IQANK1: variants seen among roughly 807,000 people sequenced by gnomAD.
IQANK1 encodes the protein IQ motif and ankyrin repeat containing 1.
In IQANK1, 30 loss-of-function variants were observed where a neutral mutation model predicts 22.6. The observed-to-expected ratio is 1.33, with a 90% confidence interval of 0.99 to 1.80. IQANK1 has a LOEUF of 1.80. Among genes scored for constraint, IQANK1 ranks in the 40% most tolerant of loss-of-function variants. The pLI is 0.00. For synonymous variants in IQANK1, 122 were observed against 99.6 expected (o/e 1.23, Z -1.34); for missense variants, 275 against 235.2 (o/e 1.17, Z -1.11).
At chr8:143,783,728 C>A (rs183007632) in intron 7 of IQANK1, among the ~76,000 whole-genome samples, 24 of 152,302 alleles carry the variant, frequency 1.6e-4, no homozygotes, top group Middle Eastern at 3.4e-3. Context: ...CTAGAATAGA[C>A]TTCTGTGCGT....
intron 7 of IQANK1, among the ~76,000 whole-genome samples, chr8:143,787,867 C>T (rs1360828002): frequency 3.3e-5 from 5 of 152,054 alleles, no homozygotes; most frequent in African/African-American, 1.2e-4. Flanking sequence ...GCTCCATGGC[C>T]CGTGCCTGTC....
intron 3 of IQANK1, chr8:143,744,380 T>A (rs1554627027): frequency 6.6e-6 from 1 of 151,132 alleles, no homozygotes; most frequent in Admixed American, 6.6e-5. Flanking sequence ...AGGGAAGGAG[T>A]GCTGCTGTCT....
At chr8:143,765,176 T>C (rs1819462858) in intron 3 of IQANK1, among the ~76,000 whole-genome samples, 2 of 152,012 alleles carry the variant, frequency 1.3e-5, no homozygotes, top group Non-Finnish European at 2.9e-5. Context: ...GCCAACGTGG[T>C]AAAACCCCGT....
chr8:143,748,659 CATATATAA>C (rs1397585294), intron 3 of IQANK1, among the ~76,000 whole-genome samples: 2 of 91,996 alleles, frequency 2.2e-5, no homozygotes, highest in South Asian at 2.6e-4. Flanking sequence ...ATATATCAAT[CATATATAA>C]ATATATAAAT....
At position 143,774,005 on chromosome 8, in the gene IQANK1, G is replaced by T. The variant is rs1189661332; in HGVS notation, c.789+1523G>T. Among the ~76,000 whole-genome samples, 1 of 152,174 alleles carries T rather than the reference G, an allele frequency of 6.6e-6. No individual in the cohort carries two copies. Among genetic ancestry groups the T allele is most frequent in the African/African-American group, 2.4e-5 (1 of 41,412 alleles). ...GTGCTGGAGCATTGGCCATCCACAG[G>T]CAAAGGGGTTAGTGTGGACCTGAAG... On this transcript the variant is annotated intron_variant, in intron 7 of 13. Coordinates refer to ENST00000527139, the MANE Select transcript of IQANK1 (RefSeq NM_001381874.1). This position sits in a 1 kb window ranked among gnomAD's most constrained non-coding sequence, Gnocchi z 4.2.
chr8:143,775,787 T>TACACGCACACACACACACACAC (rs1554630331), intron 7 of IQANK1, among the ~76,000 whole-genome samples: 4 of 129,432 alleles, frequency 3.1e-5, no homozygotes, highest in African/African-American at 1.2e-4. Context: ...ATAGCTGTAT[T>TACACGCACACACACACACACAC]ACACACACAC....
chr8:143,772,028 C>T, intron 5 of IQANK1, 24 bp from the exon 6 acceptor site: 1 of 395,408 alleles, frequency 2.5e-6, no homozygotes, highest in Non-Finnish European at 4.5e-6. Flanking sequence ...GAGCGGGGAG[C>T]GGTGACCGCG....
chr8:143,750,932 T>TA (rs1489586466), intron 3 of IQANK1, among the ~76,000 whole-genome samples: 4 of 146,006 alleles, frequency 2.7e-5, no homozygotes, highest in Non-Finnish European at 6.0e-5. Context: ...TTTCCTGAAT[T>TA]ACTGTCTTCT....
Position 143,774,975 on chromosome 8 carries a change from G to A in IQANK1, c.789+2493G>A, listed in dbSNP as rs1398752282. 1.3e-5 allele frequency among the ~76,000 whole-genome samples: 2 copies of A among 152,102 alleles called. No individual in the cohort carries two copies. The highest frequency in any genetic ancestry group is 2.9e-5 in the Non-Finnish European group (2 of 68,038). ...GGCTGCAGGGGTTACGGATGGGAGT[G>A]GGGGCAGGAAAAGCGGGGAGAGATG... is the stretch of plus-strand genomic sequence containing the variant. On this transcript the variant is annotated intron_variant, in intron 7 of 13. Coordinates refer to ENST00000527139, the MANE Select transcript of IQANK1 (RefSeq NM_001381874.1). The surrounding 1 kb of genome is among the most constrained non-coding windows in gnomAD (Gnocchi z 4.2).
chr8:143,789,352 G>A lies in IQANK1; in HGVS notation c.994-84G>A, dbSNP rs1047857584. On this transcript the variant is annotated intron_variant, in intron 9 of 13. Coordinates refer to ENST00000527139, the MANE Select transcript of IQANK1 (RefSeq NM_001381874.1). ...GCTGGGGGAAGAGCCAGGAGGGGAGGTGTCCTCAGGCCCCTGGGCCAGGAG... is the reference window on the plus strand; with the variant it reads ...GCTGGGGGAAGAGCCAGGAGGGGAGATGTCCTCAGGCCCCTGGGCCAGGAG... 10 of 655,334 alleles carry A rather than the reference G, an allele frequency of 1.5e-5. 1 individual carries two copies. The Admixed American group carries it at 1.7e-4, about 11-fold the overall frequency. The allele number at this position is 655,334 out of a possible 1,614,324, so 40.6% of individuals were successfully genotyped here. A position where few individuals can be genotyped will look rare whatever the true frequency, so the allele number is the denominator to read the frequency against.
intron 3 of IQANK1, among the ~76,000 whole-genome samples, chr8:143,750,397 A>G (rs782473446): frequency 3.3e-5 from 5 of 152,080 alleles, no homozygotes; most frequent in Middle Eastern, 3.4e-3. Context: ...ATCTTTTTCT[A>G]TGTTTTCATT....
chr8:143,748,847 A>AAATATATATTTCATATATAAATATATG (rs1819105676), intron 3 of IQANK1, among the ~76,000 whole-genome samples: 1 of 112,622 alleles, frequency 8.9e-6, no homozygotes, highest in Non-Finnish European at 1.6e-5. Context: ...ATAAATATAT[A>AAATATATATTTCATATATAAATATATG]AATATATATA....
intron 3 of IQANK1, among the ~76,000 whole-genome samples, chr8:143,755,234 G>A (rs184100575): frequency 2.0e-4 from 30 of 152,266 alleles, no homozygotes; most frequent in Admixed American, 1.8e-3. Context: ...ATTCTATCAC[G>A]CCAGCTCCTC....
At chr8:143,772,284 G>A in intron 6 of IQANK1, 41 bp downstream of exon 6, 1 of 398,116 alleles carries the variant, frequency 2.5e-6, no homozygotes, top group South Asian at 1.3e-4. Context: ...TGAGGGGCGC[G>A]GTCCAGGGCC....
Position 143,735,506 on chromosome 8 carries a change from G to A in IQANK1, c.-4-344G>A, listed in dbSNP as rs1049992302. ...CATGATTACGGTGAGAACAAAGACC[G>A]GCCCACTGGCAACCCAGCAGCTTGG... On this transcript the variant is annotated intron_variant, in intron 1 of 13. Transcript: ENST00000527139. This position sits in a 1 kb window ranked among gnomAD's most constrained non-coding sequence, Gnocchi z 5.2. Among the ~76,000 whole-genome samples the A allele has an allele frequency of 2.6e-5, 4 of 152,098 alleles. No homozygotes were observed. The highest frequency in any genetic ancestry group is 4.1e-4 in the South Asian group (2 of 4,820).
At chr8:143,790,318 C>T (rs1554632143) in intron 13 of IQANK1, 32 bp from the exon 14 acceptor site, 5 of 1,228,516 alleles carry the variant, frequency 4.1e-6, no homozygotes. Context: ...CCTCCCTAGC[C>T]CCACCCTGGC....
At chr8:143,748,577 T>C (rs1267592811) in intron 3 of IQANK1, among the ~76,000 whole-genome samples, 1 of 134,112 alleles carries the variant, frequency 7.5e-6, no homozygotes, top group Non-Finnish European at 1.5e-5. Flanking sequence ...ATATATAATA[T>C]ATAAATATAG....
intron 7 of IQANK1, among the ~76,000 whole-genome samples, chr8:143,787,072 A>G (rs1204793221): frequency 1.3e-5 from 2 of 152,092 alleles, no homozygotes; most frequent in Non-Finnish European, 2.9e-5. Context: ...GGCACCAGGG[A>G]GCTCCAGAGG....
intron 7 of IQANK1, among the ~76,000 whole-genome samples, chr8:143,772,807 T>C (rs2129912176): frequency 1.3e-5 from 2 of 152,342 alleles, no homozygotes; most frequent in Middle Eastern, 6.8e-3. Context: ...TTTCCTTCCG[T>C]GCTTTGCCTG....
Sources: gnomAD v4.1 joint callset for allele counts (sites outside exome capture counted in the v4.1 genomes callset) on GRCh38, gnomAD v4.1.1 for gene constraint, Gnocchi (gnomAD v3.1) non-coding constraint, MANE v1.5 for transcripts, NCBI Gene and HGNC (gene_info 2026-07-23, HGNC 2026-07-21) for gene names.